Variants in SAXO5 observed in about 807,000 individuals in gnomAD.
SAXO5 encodes stabilizer of axonemal microtubules 5, also known as testis expressed 45.
the SAXO5 span, chr19:7,506,745 T>TCCCAGTTCCTCCCTCTTC: frequency 3.4e-5 from 13 of 386,578 alleles, no homozygotes; most frequent in African/African-American, 2.6e-4. Context: ...CCTCCCTCTT[T>TCCCAGTTCCTCCCTCTTC]CCCAGTTCCT....
chr19:7,507,014 G>C, the SAXO5 span: 10 of 1,541,358 alleles, frequency 6.5e-6, no homozygotes, highest in Admixed American at 1.5e-4. Context: ...GCCCCGCCTC[G>C]GCCCACAGCC....
At chr19:7,498,371 C>T in the SAXO5 span, among the ~76,000 whole-genome samples, 2 of 149,892 alleles carry the variant, frequency 1.3e-5, no homozygotes, top group African/African-American at 4.9e-5. Context: ...CTACCATGCC[C>T]AGCTAATTTT....
the SAXO5 span, among the ~76,000 whole-genome samples, chr19:7,507,624 C>A: frequency 2.6e-5 from 4 of 152,000 alleles, no homozygotes; most frequent in Non-Finnish European, 5.9e-5. Flanking sequence ...AGCTCACCCC[C>A]CAGGGTCATG....
chr19:7,503,597 G>T, the SAXO5 span, among the ~76,000 whole-genome samples: 52,768 of 151,652 alleles, frequency 0.35, 9,398 homozygotes, highest in Non-Finnish European at 0.36. Flanking sequence ...TTATTCTCCT[G>T]TCTCAGTCTC....
chr19:7,504,756 TG>T, the SAXO5 span, among the ~76,000 whole-genome samples: 1 of 151,404 alleles, frequency 6.6e-6, no homozygotes, highest in African/African-American at 2.4e-5. Flanking sequence ...CCCACCCAGA[TG>T]GGACAACTGG....
At chr19:7,505,445 C>A in the SAXO5 span, 6 of 1,614,028 alleles carry the variant, frequency 3.7e-6, no homozygotes, top group South Asian at 5.5e-5. Context: ...AGGTGAGAGC[C>A]TGAGGCCCGC....
chr19:7,505,684 G>T, the SAXO5 span: 1 of 1,521,728 alleles, frequency 6.6e-7, no homozygotes. Flanking sequence ...AGAGCAAATA[G>T]CAGGTGCAGA....
chr19:7,501,531 T>C, the SAXO5 span: 2 of 1,117,928 alleles, frequency 1.8e-6, no homozygotes, highest in Non-Finnish European at 2.4e-6. Flanking sequence ...TGGTCAGGAC[T>C]TGGGGGGTGG....
chr19:7,504,435 C>T, the SAXO5 span: 8 of 1,588,198 alleles, frequency 5.0e-6, no homozygotes, highest in South Asian at 1.1e-5. Flanking sequence ...ACTGCGGGCA[C>T]GGTGGCTCAT....
chr19:7,499,940 G>T, the SAXO5 span: 3 of 143,142 alleles, frequency 2.1e-5, no homozygotes, highest in African/African-American at 8.4e-5. Flanking sequence ...ATTTGTGTGT[G>T]TGTGTGTGTG....
At chr19:7,501,061 C>T in the SAXO5 span, 1 of 1,504,622 alleles carries the variant, frequency 6.6e-7, no homozygotes, top group Non-Finnish European at 8.8e-7. Flanking sequence ...GAGCGCGTGT[C>T]GGAGGCGCAC....
At chr19:7,503,830 A>C in the SAXO5 span, among the ~76,000 whole-genome samples, 901 of 152,170 alleles carry the variant, frequency 5.9e-3, 17 homozygotes, top group African/African-American at 0.021. Flanking sequence ...GGGTCTTACT[A>C]TGTTGCCCAA....
chr19:7,498,200 C>CACACA, the SAXO5 span, among the ~76,000 whole-genome samples: 1 of 149,742 alleles, frequency 6.7e-6, no homozygotes, highest in African/African-American at 2.5e-5. Flanking sequence ...CACACACACA[C>CACACA]CCTTCATCCA....
At chr19:7,499,607 C>T in the SAXO5 span, 7 of 152,654 alleles carry the variant, frequency 4.6e-5, no homozygotes, top group Admixed American at 1.3e-4. Context: ...GAATCAGAGT[C>T]GCCCTGGGTT....
chr19:7,501,899 A>G, the SAXO5 span, among the ~76,000 whole-genome samples: 1 of 116,652 alleles, frequency 8.6e-6, no homozygotes, highest in African/African-American at 3.6e-5. Context: ...GAAGGAAGGA[A>G]GGAAAACAAG....
At chr19:7,508,272 G>A in the SAXO5 span, 622 of 1,613,976 alleles carry the variant, frequency 3.9e-4, no homozygotes, top group Admixed American at 1.3e-3. Flanking sequence ...ATACAAGGAC[G>A]AGTTTCCTTT....
the SAXO5 span, chr19:7,501,419 G>A: frequency 1.4e-6 from 2 of 1,462,510 alleles, no homozygotes; most frequent in East Asian, 5.4e-5. Flanking sequence ...CGCCCGGGCT[G>A]AGTGGGCGAT....
At chr19:7,501,094 C>A in the SAXO5 span, 3 of 1,500,246 alleles carry the variant, frequency 2.0e-6, no homozygotes, top group African/African-American at 4.4e-5. Context: ...CCGCCATCCA[C>A]GCCGCCGTGG....
the SAXO5 span, chr19:7,506,249 T>G: frequency 4.7e-4 from 209 of 444,530 alleles, no homozygotes; most frequent in Admixed American, 5.4e-4. Context: ...ATGGAGCCCC[T>G]CCCCATGGAG....
Sources: gnomAD v4.1 joint callset for allele counts (sites outside exome capture counted in the v4.1 genomes callset) on GRCh38, gnomAD v4.1.1 for gene constraint, MANE v1.5 for transcripts, NCBI Gene and HGNC (gene_info 2026-07-23, HGNC 2026-07-21) for gene names.